Variants in FAM111B observed in about 807,000 individuals in gnomAD.
The protein encoded by FAM111B is FAM111 trypsin like peptidase B.
FAM111B carries 1 observed loss-of-function variant against 2.8 expected under a neutral mutation model. The ratio of observed to expected loss-of-function variants is 0.36; its 90% CI spans 0.13 to 1.70. The LOEUF is 1.70. Among genes scored for constraint, FAM111B ranks in the 40% most tolerant of loss-of-function variants. The probability of loss-of-function intolerance (pLI) is 0.35; values close to 1 mark genes in which losing one functional copy is unlikely to be tolerated. For missense variants in FAM111B, 882 were observed against 878.9 expected, an observed-to-expected ratio of 1.00 and a Z score of -0.04; for synonymous variants, 297 against 295.6, an observed-to-expected ratio of 1.00 and a Z score of -0.05.
Position 59,125,892 on chromosome 11 carries a change from T to C in FAM111B, c.1795T>C (p.Leu599=), listed in dbSNP as rs1234991807. The C allele has an allele frequency of 4.3e-6, 7 of 1,613,862 alleles. No homozygotes were observed. Among genetic ancestry groups the C allele is most frequent in the Admixed American group, 1.7e-5 (1 of 60,006 alleles). ...TACTGTGATTCCTCTAAACGAACGATTGAAAAAATATCCAAACGATTGTCA... is the reference window on the plus strand; with the variant it reads ...TACTGTGATTCCTCTAAACGAACGACTGAAAAAATATCCAAACGATTGTCA... ...GCTVIPLNER[L]KKYPNDCQDG... Residue 599 remains leucine, a synonymous_variant, in exon 4 of 4, where the codon TTG becomes CTG. Transcript: ENST00000343597.
At chr11:59,117,114 G>T (rs1189688633) in intron 3 of FAM111B, among the ~76,000 whole-genome samples, 2 of 152,198 alleles carry the variant, frequency 1.3e-5, no homozygotes, top group Non-Finnish European at 2.9e-5. Context: ...AGTCACAGGG[G>T]AGCTGCCTGC....
intron 3 of FAM111B, among the ~76,000 whole-genome samples, chr11:59,112,369 CTG>C (rs1196538742): frequency 1.3e-5 from 2 of 152,178 alleles, no homozygotes; most frequent in Admixed American, 6.5e-5. Flanking sequence ...TAGCATTCCA[CTG>C]TGTGAATGTA....
At position 59,126,292 on chromosome 11, in the gene FAM111B, T is replaced by C; in HGVS notation, c.2195T>C (p.Met732Thr). The C allele has an allele frequency of 6.6e-7, 1 of 1,523,908 alleles. No individual in the cohort carries two copies. Among genetic ancestry groups the C allele is most frequent in the Non-Finnish European group, 8.8e-7 (1 of 1,140,452 alleles). 94.4% of individuals were successfully genotyped at this position (1,523,908 alleles called of 1,614,324 possible). ...CTTCAAGATCATCAGATTGAACCCA[T>C]GGAATGTTAGAAAAGAGATGCTGTC... ...SSLQDHQIEP[M>T]EC is the part of the protein sequence containing the mutation. The change falls in exon 4 of 4, where the codon ATG (methionine) becomes ACG (threonine). Residue 732 changes from methionine (M) to threonine (T), a missense_variant. Physicochemically the swap from Met to Thr is moderately conservative, Grantham distance 81. Transcript: ENST00000343597.
intron 3 of FAM111B, among the ~76,000 whole-genome samples, chr11:59,116,913 G>A (rs1859848580): frequency 6.6e-6 from 1 of 152,224 alleles, no homozygotes; most frequent in South Asian, 2.1e-4. Flanking sequence ...GAGGTCATGG[G>A]CAAAGCCCTT....
chr11:59,118,673 A>G (rs1197095866), intron 3 of FAM111B, among the ~76,000 whole-genome samples: 1 of 152,214 alleles, frequency 6.6e-6, no homozygotes, highest in Non-Finnish European at 1.5e-5. Context: ...ACGATTAAGT[A>G]TGATGTTACC....
At chr11:59,118,467 G>A (rs932981741) in intron 3 of FAM111B, among the ~76,000 whole-genome samples, 1 of 152,198 alleles carries the variant, frequency 6.6e-6, no homozygotes, top group Non-Finnish European at 1.5e-5. Flanking sequence ...TGCATATCTT[G>A]TCAGAGTTTT....
Position 59,109,622 on chromosome 11 carries a change from C to T in FAM111B, c.-4C>T. On this transcript the variant is annotated 5_prime_UTR_variant, in exon 3 of 4. Transcript: ENST00000343597. ...AAGTTAGTTACATTCTCTTTGAACT[C>T]ATCATGAATTCCATGAAGACTGAAG... is the stretch of plus-strand genomic sequence containing the variant. 6.3e-7 allele frequency: 1 copy of T among 1,599,676 alleles called. No homozygotes were observed. The highest frequency in any genetic ancestry group is 2.2e-5 in the East Asian group (1 of 44,688).
At position 59,124,872 on chromosome 11, in the gene FAM111B, G is replaced by C. The variant is rs1859990215; in HGVS notation, c.775G>C (p.Val259Leu). Residue 259 changes from valine to leucine, a missense_variant, in exon 4 of 4, where the codon GTA (valine) becomes CTA (leucine). Transcript: ENST00000343597. ...TGGAAAACAGTCCATGGTGGATGAA[G>C]TATCTGGAAAAGTCTTAGAAATGGA... ...IYGKQSMVDE[V>L]SGKVLEMDIS... is the part of the protein sequence containing the mutation. 1.2e-6 allele frequency: 2 copies of C among 1,610,266 alleles called. No homozygotes were observed. The highest frequency in any genetic ancestry group is 1.7e-6 in the Non-Finnish European group (2 of 1,178,770).
At position 59,124,482 on chromosome 11, in the gene FAM111B, A is replaced by G. The variant is rs1369129343; in HGVS notation, c.385A>G (p.Ile129Val). The change falls in exon 4 of 4, where the codon ATT (isoleucine) becomes GTT (valine). Residue 129 changes from isoleucine (I) to valine (V), a missense_variant. Transcript: ENST00000343597. Reference sequence around the variant, plus strand: ...GATAAAGAATCAGTTTAATAAGAACATTATTGTTTATGAAGAAAAGACAAT... The same window carrying G: ...GATAAAGAATCAGTTTAATAAGAACGTTATTGTTTATGAAGAAAAGACAAT... Reference protein sequence around the residue: ...ERIKNQFNKNIIVYEEKTIDG... With the variant: ...ERIKNQFNKNVIVYEEKTIDG... 3 of 1,613,334 alleles carry G rather than the reference A, an allele frequency of 1.9e-6. No individual in the cohort carries two copies. Among genetic ancestry groups the G allele is most frequent in the African/African-American group, 1.3e-5 (1 of 74,936 alleles).
Position 59,109,642 on chromosome 11 carries a change from C to T in FAM111B, c.17C>T (p.Thr6Ile). The T allele has an allele frequency of 6.2e-7, 1 of 1,610,202 alleles. No individual in the cohort carries two copies. The highest frequency in any genetic ancestry group is 8.5e-7 in the Non-Finnish European group (1 of 1,177,816). The change falls in exon 3 of 4, where the codon ACT (threonine) becomes ATT (isoleucine). Residue 6 changes from threonine to isoleucine, a missense_variant. Coordinates refer to ENST00000343597, the MANE Select transcript of FAM111B (RefSeq NM_198947.4). Reference sequence around the variant, plus strand: ...GAACTCATCATGAATTCCATGAAGACTGAAGAAAACAAGTCATTTAGCGCT... The same window carrying T: ...GAACTCATCATGAATTCCATGAAGATTGAAGAAAACAAGTCATTTAGCGCT... MNSMK[T>I]EENKSFSAME...
Position 59,124,442 on chromosome 11 carries a change from CT to C in FAM111B, c.346del (p.Tyr116IlefsTer6), listed in dbSNP as rs1859976165. ...SIYSALSANDYFSERIKNQFN... is the reference protein window; with the variant it reads ...SIYSALSANDXFSERIKNQFN... The stretch of plus-strand genomic sequence containing the variant: ...TCTACTCAGCCCTGAGTGCTAATGA[CT>C]ATTTCAGTGAAAGGATAAAGAATCA... On this transcript the variant is annotated frameshift_variant, in exon 4 of 4. Transcript: ENST00000343597. LOFTEE classifies it low-confidence loss of function (END_TRUNC). 6.2e-7 allele frequency: 1 copy of C among 1,613,440 alleles called. No individual in the cohort carries two copies. The highest frequency in any genetic ancestry group is 1.7e-5 in the Admixed American group (1 of 59,972).
At position 59,124,412 on chromosome 11, in the gene FAM111B, G is replaced by C. The variant is rs1405300967; in HGVS notation, c.315G>C (p.Glu105Asp). Residue 105 changes from glutamate (E) to aspartate (D), a missense_variant, in exon 4 of 4, where the codon GAG becomes GAC. By Grantham distance (45) the Glu-to-Asp change is conservative (BLOSUM62 2). Transcript: ENST00000343597. ...TTACAGCATATGGTAAACCCAGCGA[G>C]AGTATCTACTCAGCCCTGAGTGCTA... ...SVFTAYGKPS[E>D]SIYSALSAND... 6.2e-7 allele frequency: 1 copy of C among 1,613,690 alleles called. No homozygotes were observed. Among genetic ancestry groups the C allele is most frequent in the African/African-American group, 1.3e-5 (1 of 75,044 alleles).
At chr11:59,108,444 C>G (rs1467916069) in intron 1 of FAM111B, among the ~76,000 whole-genome samples, 1 of 152,200 alleles carries the variant, frequency 6.6e-6, no homozygotes, top group Non-Finnish European at 1.5e-5. Flanking sequence ...CCTCTTGTCA[C>G]CTTAGTCTCT....
At chr11:59,107,560 C>G (rs1468304507) in intron 1 of FAM111B, among the ~76,000 whole-genome samples, 1 of 152,182 alleles carries the variant, frequency 6.6e-6, no homozygotes, top group African/African-American at 2.4e-5. Context: ...TGCCCGGTGC[C>G]GTTCGCGCCC....
chr11:59,124,080 T>C, intron 3 of FAM111B, 99 bp from the exon 4 acceptor site: 1 of 742,630 alleles, frequency 1.3e-6, no homozygotes, highest in East Asian at 2.9e-5. Context: ...TTATATTATC[T>C]AATTTTTATT....
intron 3 of FAM111B, among the ~76,000 whole-genome samples, chr11:59,112,232 G>A (rs1859769404): frequency 6.6e-6 from 1 of 152,154 alleles, no homozygotes; most frequent in African/African-American, 2.4e-5. Context: ...AACTTTTCCA[G>A]AACATCATAT....
intron 3 of FAM111B, among the ~76,000 whole-genome samples, chr11:59,116,991 A>T (rs1329853201): frequency 6.6e-6 from 1 of 152,232 alleles, no homozygotes; most frequent in Non-Finnish European, 1.5e-5. Context: ...TGAGGCAGTG[A>T]TAGAATCAGG....
At chr11:59,114,112 C>T (rs1859804979) in intron 3 of FAM111B, among the ~76,000 whole-genome samples, 1 of 152,224 alleles carries the variant, frequency 6.6e-6, no homozygotes, top group Admixed American at 6.5e-5. Context: ...CTAGGGAAGT[C>T]AAGAGGCCTC....
At position 59,124,881 on chromosome 11, in the gene FAM111B, A is replaced by G; in HGVS notation, c.784A>G (p.Lys262Glu). ...KQSMVDEVSG[K>E]VLEMDISKKK... ...GTCCATGGTGGATGAAGTATCTGGA[A>G]AAGTCTTAGAAATGGACATTTCAAA... Residue 262 changes from lysine (K) to glutamate (E), a missense_variant, in exon 4 of 4, where the codon AAA becomes GAA. Lys to Glu is a moderately conservative substitution (Grantham distance 56). Transcript: ENST00000343597. 1 of 1,605,532 alleles carries G rather than the reference A, an allele frequency of 6.2e-7. No homozygotes were observed. Among genetic ancestry groups the G allele is most frequent in the Non-Finnish European group, 8.5e-7 (1 of 1,177,606 alleles).
Sources: gnomAD v4.1 joint callset for allele counts (sites outside exome capture counted in the v4.1 genomes callset) on GRCh38, gnomAD v4.1.1 for gene constraint, MANE v1.5 for transcripts, NCBI Gene and HGNC (gene_info 2026-07-23, HGNC 2026-07-21) for gene names.